The following ASTN2 variants were observed in gnomAD, a reference collection of about 807,000 sequenced individuals.
ASTN2 encodes astrotactin 2, also known as astrotactin-2.
ASTN2 carries 54 observed loss-of-function variants against 139.8 expected under a neutral mutation model. That is an observed-to-expected ratio of 0.39 (90% confidence interval 0.31 to 0.48). The LOEUF is 0.48. ASTN2 is among the 20% of genes least tolerant of loss of function. The pLI is 0.95. For synonymous variants in ASTN2, 756 were observed against 719.5 expected, an observed-to-expected ratio of 1.05 and a Z score of -0.81; for missense variants, 1,565 against 1,725.1, an observed-to-expected ratio of 0.91 and a Z score of 1.64.
chr9:116,518,895 T>C (rs1391345377), intron 19 of ASTN2, among the ~76,000 whole-genome samples: 1 of 152,038 alleles, frequency 6.6e-6, no homozygotes, highest in Non-Finnish European at 1.5e-5. Flanking sequence ...CAACAGCAGT[T>C]AAAAACACAA....
At chr9:116,945,051 G>A (rs370377924) in intron 10 of ASTN2, among the ~76,000 whole-genome samples, 1 of 152,098 alleles carries the variant, frequency 6.6e-6, no homozygotes, top group Non-Finnish European at 1.5e-5. Context: ...CATGTTCAGC[G>A]GTGGTTTATA....
chr9:116,752,171 A>T (rs1829418395), intron 13 of ASTN2, among the ~76,000 whole-genome samples: 1 of 152,186 alleles, frequency 6.6e-6, no homozygotes, highest in Non-Finnish European at 1.5e-5. Context: ...GGAACAGAAT[A>T]GGAAGCACAT....
intron 14 of ASTN2, among the ~76,000 whole-genome samples, chr9:116,731,508 C>T (rs1828784016): frequency 6.6e-6 from 1 of 151,924 alleles, no homozygotes; most frequent in Non-Finnish European, 1.5e-5. Context: ...CTGCAACCTC[C>T]ACCTCCTGGG....
At chr9:116,936,084 C>CCACAACCA (rs1564348769) in intron 10 of ASTN2, among the ~76,000 whole-genome samples, 1 of 128,782 alleles carries the variant, frequency 7.8e-6, no homozygotes, top group African/African-American at 2.9e-5. Flanking sequence ...ACCATCACCA[C>CCACAACCA]TACCACCACC....
intron 16 of ASTN2, among the ~76,000 whole-genome samples, chr9:116,705,845 A>C (rs1337689133): frequency 6.6e-6 from 1 of 152,192 alleles, no homozygotes; most frequent in Non-Finnish European, 1.5e-5. Context: ...TTAAAAGTAA[A>C]GGGAATATCG....
intron 2 of ASTN2, among the ~76,000 whole-genome samples, chr9:117,265,034 A>T (rs1273215685): frequency 6.6e-6 from 1 of 152,166 alleles, no homozygotes; most frequent in Non-Finnish European, 1.5e-5. Context: ...CAGCTAGAAG[A>T]AGTCAAGGTC....
intron 12 of ASTN2, among the ~76,000 whole-genome samples, chr9:116,815,895 G>A (rs760026283): frequency 4.0e-5 from 6 of 149,292 alleles, no homozygotes; most frequent in African/African-American, 4.9e-5. Context: ...AGCAAATAAC[G>A]GCAGAAAAAG....
chr9:117,078,042 T>C (rs907995524), intron 5 of ASTN2, among the ~76,000 whole-genome samples: 1 of 152,212 alleles, frequency 6.6e-6, no homozygotes, highest in African/African-American at 2.4e-5. Flanking sequence ...CCCTGCCTTC[T>C]TGACTTCTGT....
chr9:116,860,361 G>T (rs183922710), intron 11 of ASTN2, among the ~76,000 whole-genome samples: 277 of 152,302 alleles, frequency 1.8e-3, no homozygotes, highest in African/African-American at 6.4e-3. Flanking sequence ...TATCAGTAAT[G>T]TGGTCTCCTT....
chr9:116,829,443 A>G (rs2900135), intron 11 of ASTN2, among the ~76,000 whole-genome samples: 120,471 of 151,686 alleles, frequency 0.79, 48,032 homozygotes, highest in East Asian at 0.91. Context: ...TTATCACACT[A>G]CTATAAAGAA....
At chr9:116,838,868 T>A (rs1832101500) in intron 11 of ASTN2, among the ~76,000 whole-genome samples, 2 of 152,202 alleles carry the variant, frequency 1.3e-5, no homozygotes, top group South Asian at 4.1e-4. Context: ...TCAAAGCAAC[T>A]GTGAATTGTA....
chr9:116,787,287 C>T (rs1830401982), intron 13 of ASTN2, among the ~76,000 whole-genome samples: 1 of 152,216 alleles, frequency 6.6e-6, no homozygotes, highest in African/African-American at 2.4e-5. Flanking sequence ...CCTGCCTTTT[C>T]TTAAAGCATT....
intron 3 of ASTN2, among the ~76,000 whole-genome samples, chr9:117,191,719 C>G (rs1387790198): frequency 6.6e-6 from 1 of 152,138 alleles, no homozygotes; most frequent in Non-Finnish European, 1.5e-5. Flanking sequence ...GTACAAAGTC[C>G]CCTGACTGCT....
intron 20 of ASTN2, among the ~76,000 whole-genome samples, chr9:116,455,337 C>T (rs1420103452): frequency 1.2e-4 from 15 of 122,678 alleles, no homozygotes; most frequent in African/African-American, 3.0e-4. Context: ...TGACAGAGTG[C>T]GATTCTGTCT....
intron 5 of ASTN2, among the ~76,000 whole-genome samples, chr9:117,079,343 G>A (rs562980310): frequency 6.6e-6 from 1 of 152,262 alleles, no homozygotes; most frequent in East Asian, 1.9e-4. Context: ...GTGACAGAAT[G>A]AGACCCTGTC....
rs185305898 is a variant in ASTN2, at chr9:116,815,661, C to T, written c.2207+4956G>A. 1.7e-4 allele frequency among the ~76,000 whole-genome samples: 26 copies of T among 151,484 alleles called. No individual in the cohort carries two copies. In the East Asian group the frequency reaches 4.3e-3, roughly 25 times the overall value. On this transcript the variant is annotated intron_variant, in intron 12 of 22. Transcript: ENST00000313400. ...TCTACTAAAAATATAAAAAATTAGT[C>T]GGGCGCGGTGGTGGGCACCTGTAGT...
chr9:117,260,722 T>A (rs1364962203), intron 2 of ASTN2, among the ~76,000 whole-genome samples: 1 of 152,190 alleles, frequency 6.6e-6, no homozygotes, highest in Non-Finnish European at 1.5e-5. Context: ...ACTAACTGTG[T>A]GACCTGGAGC....
intron 2 of ASTN2, among the ~76,000 whole-genome samples, chr9:117,263,413 C>G (rs1258089171): frequency 6.6e-6 from 1 of 152,108 alleles, no homozygotes; most frequent in Non-Finnish European, 1.5e-5. Context: ...TTTATATCAC[C>G]TGCAAATTCT....
intron 16 of ASTN2, among the ~76,000 whole-genome samples, chr9:116,658,410 A>G (rs1276969521): frequency 6.6e-6 from 1 of 152,214 alleles, no homozygotes; most frequent in Non-Finnish European, 1.5e-5. Context: ...TATGGGTCAC[A>G]TAGAAGAAAG....
Sources: allele counts gnomAD v4.1 joint callset (sites outside exome capture counted in the v4.1 genomes callset), GRCh38; gene constraint gnomAD v4.1.1; transcripts MANE v1.5; gene names NCBI Gene and HGNC (gene_info 2026-07-23, HGNC 2026-07-21).